The following HIRA variants were observed in gnomAD, a reference collection of about 807,000 sequenced individuals.
HIRA encodes the protein protein HIRA.
In HIRA, 13 loss-of-function variants were observed where a neutral mutation model predicts 126.6. That is an observed-to-expected ratio of 0.10 (90% CI 0.07 to 0.16). The LOEUF is 0.16. Among genes scored for constraint, HIRA ranks in the 10% least tolerant of loss-of-function variants. The pLI is 1.00. For missense variants in HIRA, 834 were observed against 1,314.4 expected (o/e 0.63, Z 5.65); for synonymous variants, 511 against 520.0 (o/e 0.98, Z 0.24).
intron 13 of HIRA, among the ~76,000 whole-genome samples, chr22:19,380,849 C>T (rs982251196): frequency 6.6e-6 from 1 of 152,150 alleles, no homozygotes; most frequent in Non-Finnish European, 1.5e-5. Context: ...GTCTCAAACT[C>T]GTGACCTCAG....
At chr22:19,368,212 G>C (rs2088931590) in intron 15 of HIRA, among the ~76,000 whole-genome samples, 1 of 152,130 alleles carries the variant, frequency 6.6e-6, no homozygotes, top group Admixed American at 6.6e-5. Context: ...AAAGAAATGT[G>C]GGCAGATACA....
At chr22:19,379,309 GC>G (rs1469437207) in intron 13 of HIRA, among the ~76,000 whole-genome samples, 1 of 151,354 alleles carries the variant, frequency 6.6e-6, no homozygotes, top group Non-Finnish European at 1.5e-5. Context: ...ACCGTGCCCG[GC>G]CGGCAGTTTT....
At chr22:19,413,551 T>C (rs2089371000) in intron 1 of HIRA, among the ~76,000 whole-genome samples, 1 of 152,008 alleles carries the variant, frequency 6.6e-6, no homozygotes, top group East Asian at 1.9e-4. Flanking sequence ...GGCCTTTCCA[T>C]CCCAAGGAAA....
chr22:19,376,281 G>T (rs1267120000), intron 14 of HIRA, among the ~76,000 whole-genome samples: 1 of 152,184 alleles, frequency 6.6e-6, no homozygotes, highest in Non-Finnish European at 1.5e-5. Context: ...CCCTGTGACA[G>T]TGTCACATTC....
chr22:19,406,118 A>C (rs766413101), intron 4 of HIRA, among the ~76,000 whole-genome samples: 5 of 152,242 alleles, frequency 3.3e-5, no homozygotes, highest in Admixed American at 6.5e-5. Flanking sequence ...TAAGTGAAAG[A>C]AGCAGGCCAC....
chr22:19,332,736 A>AT (rs1424033724), intron 24 of HIRA, among the ~76,000 whole-genome samples: 11 of 151,700 alleles, frequency 7.3e-5, no homozygotes, highest in Non-Finnish European at 1.3e-4. Context: ...ACATGAAAGA[A>AT]TGACAAGCCA....
chr22:19,352,845 G>A (rs1368536739), intron 23 of HIRA, among the ~76,000 whole-genome samples: 3 of 152,244 alleles, frequency 2.0e-5, no homozygotes, highest in Non-Finnish European at 4.4e-5. Flanking sequence ...TGTGAGGACA[G>A]TGCAGCCACC....
intron 5 of HIRA, among the ~76,000 whole-genome samples, chr22:19,402,569 T>C (rs1186495422): frequency 1.3e-5 from 2 of 152,230 alleles, no homozygotes; most frequent in Non-Finnish European, 2.9e-5. Flanking sequence ...TTTTCAGTGC[T>C]TTATTTGTTC....
intron 15 of HIRA, among the ~76,000 whole-genome samples, chr22:19,366,500 C>T (rs1042438703): frequency 6.6e-6 from 1 of 152,134 alleles, no homozygotes; most frequent in African/African-American, 2.4e-5. Flanking sequence ...TCAACCTTAA[C>T]AAGAGTTTGG....
At chr22:19,342,852 C>T (rs1352669303) in intron 24 of HIRA, among the ~76,000 whole-genome samples, 1 of 152,174 alleles carries the variant, frequency 6.6e-6, no homozygotes, top group African/African-American at 2.4e-5. Context: ...AGTCTAAATG[C>T]CCATCAACCA....
chr22:19,352,216 A>G (rs770048610), intron 23 of HIRA, among the ~76,000 whole-genome samples: 1 of 151,916 alleles, frequency 6.6e-6, no homozygotes, highest in Non-Finnish European at 1.5e-5. Flanking sequence ...GAGAAAGAGA[A>G]GCAAGCAGCA....
chr22:19,420,481 AC>A (rs2089437303), intron 1 of HIRA, among the ~76,000 whole-genome samples: 2 of 148,650 alleles, frequency 1.3e-5, no homozygotes. Flanking sequence ...AAAAAAAAAA[AC>A]CAAACCAAAA....
intron 5 of HIRA, among the ~76,000 whole-genome samples, chr22:19,401,839 C>T (rs1474205974): frequency 6.6e-6 from 1 of 152,164 alleles, no homozygotes; most frequent in East Asian, 1.9e-4. Flanking sequence ...CCTGAGACCC[C>T]CATGGTAGAA....
chr22:19,360,735 T>A (rs188968470), intron 17 of HIRA, among the ~76,000 whole-genome samples: 15 of 152,326 alleles, frequency 9.8e-5, no homozygotes, highest in Admixed American at 7.8e-4. Flanking sequence ...AAAGGATTAT[T>A]TACTCCAGAA....
In HIRA at chr22:19,414,657, C is replaced by G. The variant is rs145037307; in HGVS notation, c.38-3879G>C. ...AGAACTTGGTTTTAACCAATGTTGA[C>G]AAATTTAGAATTAAAAATAAGAAAA... On this transcript the variant is annotated intron_variant, in intron 1 of 24. Transcript: ENST00000263208. Among the ~76,000 whole-genome samples, 1,190 of 152,234 alleles carry G rather than the reference C, an allele frequency of 7.8e-3. 14 individuals carry two copies. The highest frequency in any genetic ancestry group is 0.025 in the African/African-American group (1,028 of 41,538).
chr22:19,431,418 C>G lies in HIRA; in HGVS notation c.37+22G>C, dbSNP rs1232927176. The G allele has an allele frequency of 3.1e-6, 5 of 1,607,788 alleles. No homozygotes were observed. The Admixed American group carries it at 8.3e-5, about 27-fold the overall frequency. On this transcript the variant is annotated intron_variant, in intron 1 of 24. Coordinates refer to ENST00000263208, the MANE Select transcript of HIRA (RefSeq NM_003325.4). ...CGACCCGACTCCGGGCTCGGCCTCC[C>G]GCGACCCCTGCGCGCACTCACCATT...
In HIRA at chr22:19,351,686, T is replaced by C. The variant is rs565525017; in HGVS notation, c.2849-240A>G. ...TCACTCCCCTGACATCTGTAGTGCC[T>C]CCTCTGTGTGTTGGGCCCAGAGGAA... On this transcript the variant is annotated intron_variant, in intron 23 of 24. Coordinates refer to ENST00000263208, the MANE Select transcript of HIRA (RefSeq NM_003325.4). This position sits in a 1 kb window ranked among gnomAD's most constrained non-coding sequence, Gnocchi z 4.8. 6.6e-6 allele frequency among the ~76,000 whole-genome samples: 1 copy of C among 152,280 alleles called. No homozygotes were observed. The highest frequency in any genetic ancestry group is 1.5e-5 in the Non-Finnish European group (1 of 68,012).
At chr22:19,381,812 C>T (rs1450554584) in intron 13 of HIRA, among the ~76,000 whole-genome samples, 1 of 152,170 alleles carries the variant, frequency 6.6e-6, no homozygotes, top group East Asian at 1.9e-4. Context: ...TCTCCATGCA[C>T]TAGAATATTT....
intron 24 of HIRA, among the ~76,000 whole-genome samples, chr22:19,347,002 C>T (rs1055238207): frequency 2.0e-5 from 3 of 152,190 alleles, no homozygotes; most frequent in African/African-American, 7.2e-5. Context: ...CACCACGGCC[C>T]AGAGTGCTTA....
Sources: gnomAD v4.1 joint callset for allele counts (sites outside exome capture counted in the v4.1 genomes callset) on GRCh38, gnomAD v4.1.1 for gene constraint, Gnocchi (gnomAD v3.1) non-coding constraint, MANE v1.5 for transcripts, NCBI Gene and HGNC (gene_info 2026-07-23, HGNC 2026-07-21) for gene names.